Variants in PCDHA11 observed in about 807,000 individuals in gnomAD.
The protein encoded by PCDHA11 is protocadherin alpha-11.
PCDHA11 carries 61 observed loss-of-function variants against 70.3 expected under a neutral mutation model. That is an observed-to-expected ratio of 0.87 (90% CI 0.71 to 1.07). PCDHA11 has a LOEUF of 1.07. PCDHA11 is among the 50% of genes least tolerant of loss of function. The pLI, the probability that PCDHA11 is intolerant of heterozygous loss-of-function variation, is 0.00. For synonymous variants in PCDHA11, 633 were observed against 555.1 expected, an observed-to-expected ratio of 1.14 and a Z score of -1.97; for missense variants, 1,324 against 1,237.5, an observed-to-expected ratio of 1.07 and a Z score of -1.05.
rs782634199 is a variant in PCDHA11 at position 140,882,705 on chromosome 5, G to A, written c.2391+11211G>A. The A allele has an allele frequency of 3.7e-6, 6 of 1,614,172 alleles. No individual in the cohort carries two copies. The South Asian group carries it at 6.6e-5, about 18-fold the overall frequency. On this transcript the variant is annotated intron_variant, in intron 1 of 3. Transcript: ENST00000398640. ...AAACGAATAATCATTGCAGAATCTA[G>A]ACCTCCGGAAACTCGATTTCCACTA...
chr5:140,973,923 C>T (rs1157032594), intron 1 of PCDHA11, among the ~76,000 whole-genome samples: 1 of 152,170 alleles, frequency 6.6e-6, no homozygotes, highest in African/African-American at 2.4e-5. Flanking sequence ...TCACCAAACC[C>T]AGAGGTTTAG....
intron 1 of PCDHA11, chr5:140,966,972 T>A (rs1554229007): frequency 6.2e-7 from 1 of 1,602,946 alleles, no homozygotes; most frequent in Non-Finnish European, 8.5e-7. Flanking sequence ...GGGCTTGAGC[T>A]GCGGCGCTTG....
At chr5:140,961,872 G>A (rs2095639337) in intron 1 of PCDHA11, among the ~76,000 whole-genome samples, 1 of 151,532 alleles carries the variant, frequency 6.6e-6, no homozygotes, top group Non-Finnish European at 1.5e-5. Flanking sequence ...ACAGATAATT[G>A]ACTTACTTAC....
At chr5:140,896,033 A>G (rs994719566) in intron 1 of PCDHA11, among the ~76,000 whole-genome samples, 2 of 151,874 alleles carry the variant, frequency 1.3e-5, no homozygotes, top group East Asian at 1.9e-4. Flanking sequence ...CTGGTCTCGA[A>G]CTCCTGACCT....
At chr5:140,955,623 T>C (rs2095210763) in intron 1 of PCDHA11, among the ~76,000 whole-genome samples, 1 of 152,208 alleles carries the variant, frequency 6.6e-6, no homozygotes, top group Non-Finnish European at 1.5e-5. Context: ...GGCAGTTCTT[T>C]ATAGCAGTGT....
At chr5:140,968,907 C>G in intron 1 of PCDHA11, 1 of 1,614,180 alleles carries the variant, frequency 6.2e-7, no homozygotes. Context: ...GCATTAAGCA[C>G]AGTGTCTTTT....
intron 1 of PCDHA11, among the ~76,000 whole-genome samples, chr5:140,939,868 T>C (rs868982739): frequency 2.6e-5 from 4 of 152,340 alleles, no homozygotes; most frequent in Middle Eastern, 6.8e-3. Flanking sequence ...CATTAGGTCA[T>C]CTTTGCTAGT....
intron 1 of PCDHA11, among the ~76,000 whole-genome samples, chr5:140,904,548 A>T (rs1280388333): frequency 1.3e-5 from 2 of 152,050 alleles, no homozygotes; most frequent in Admixed American, 1.3e-4. Flanking sequence ...TCTTTTTCAT[A>T]TAATGACTTT....
chr5:140,943,346 G>C (rs2153662502), intron 1 of PCDHA11, among the ~76,000 whole-genome samples: 1 of 151,738 alleles, frequency 6.6e-6, no homozygotes, highest in East Asian at 1.9e-4. Context: ...GACAGGATGA[G>C]AGTAGAGGAA....
chr5:140,999,822 T>C (rs1389164136), intron 3 of PCDHA11, among the ~76,000 whole-genome samples: 3 of 152,222 alleles, frequency 2.0e-5, no homozygotes, highest in Non-Finnish European at 4.4e-5. Context: ...GAGCTGTGGC[T>C]TTAAAAATAT....
intron 1 of PCDHA11, among the ~76,000 whole-genome samples, chr5:140,890,310 G>C (rs1554184247): frequency 6.6e-6 from 1 of 152,160 alleles, no homozygotes; most frequent in African/African-American, 2.4e-5. Context: ...GTAATATTAA[G>C]TTGTTTTAAG....
At chr5:140,938,415 T>A (rs1034279514) in intron 1 of PCDHA11, among the ~76,000 whole-genome samples, 6 of 152,190 alleles carry the variant, frequency 3.9e-5, no homozygotes, top group African/African-American at 1.4e-4. Context: ...TTGGGTTTAT[T>A]TGCAAAAATC....
intron 1 of PCDHA11, among the ~76,000 whole-genome samples, chr5:140,969,915 GC>G (rs1181399848): frequency 2.0e-5 from 3 of 152,192 alleles, no homozygotes; most frequent in African/African-American, 7.2e-5. Flanking sequence ...AAGTGATAAA[GC>G]TGTAGTATTT....
chr5:140,876,774 G>T (rs370558767), intron 1 of PCDHA11: 28 of 1,614,110 alleles, frequency 1.7e-5, no homozygotes, highest in Non-Finnish European at 2.3e-5. Flanking sequence ...GCTCGCCTTC[G>T]CTGTGGGCCA....
At chr5:140,972,480 C>A (rs558245112) in intron 1 of PCDHA11, among the ~76,000 whole-genome samples, 2 of 151,890 alleles carry the variant, frequency 1.3e-5, no homozygotes, top group East Asian at 3.9e-4. Context: ...AGCATTTAAC[C>A]CCAGACTCTA....
At position 140,871,326 on chromosome 5, in the gene PCDHA11, C is replaced by T. The variant is rs2052980774; in HGVS notation, c.2223C>T (p.Ser741=). 1 of 1,613,978 alleles carries T rather than the reference C, an allele frequency of 6.2e-7. No individual in the cohort carries two copies. The highest frequency in any genetic ancestry group is 1.3e-5 in the African/African-American group (1 of 74,942). The change falls in exon 1 of 4, where the codon TCC becomes TCT. Residue 741 remains serine (S), a synonymous_variant. Coordinates refer to ENST00000398640, the MANE Select transcript of PCDHA11 (RefSeq NM_018902.5). ...CAPGKPTLVC[S]RAVGSWSYSQ... is the part of the protein sequence containing the mutation. Reference sequence around the variant, plus strand: ...CGGGGAAGCCCACGCTGGTGTGCTCCCGCGCGGTGGGGAGCTGGTCATACT... The same window carrying T: ...CGGGGAAGCCCACGCTGGTGTGCTCTCGCGCGGTGGGGAGCTGGTCATACT...
At chr5:140,878,879 G>A (rs1315306611) in intron 1 of PCDHA11, among the ~76,000 whole-genome samples, 4 of 152,204 alleles carry the variant, frequency 2.6e-5, no homozygotes, top group Admixed American at 6.5e-5. Flanking sequence ...AGCCTTTCAA[G>A]TAGCTGAGAC....
At chr5:140,928,272 T>TG in intron 1 of PCDHA11, 1 of 1,614,156 alleles carries the variant, frequency 6.2e-7, no homozygotes, top group Admixed American at 1.7e-5. Context: ...ACAATGGCCC[T>TG]GGGGCCTCTC....
chr5:140,924,747 T>G (rs1026870483), intron 1 of PCDHA11, among the ~76,000 whole-genome samples: 2 of 151,786 alleles, frequency 1.3e-5, no homozygotes, highest in African/African-American at 4.8e-5. Flanking sequence ...ATACAAAAAT[T>G]AACCGAGCAT....
Sources: allele counts gnomAD v4.1 joint callset (sites outside exome capture counted in the v4.1 genomes callset), GRCh38; gene constraint gnomAD v4.1.1; transcripts MANE v1.5; gene names NCBI Gene and HGNC (gene_info 2026-07-23, HGNC 2026-07-21).